Variants in ADAMDEC1 observed in about 807,000 individuals in gnomAD.
The protein encoded by ADAMDEC1 is ADAM DEC1.
A neutral mutation model predicts 60.4 loss-of-function variants in ADAMDEC1; 62 were observed. The observed-to-expected ratio is 1.03, with a 90% CI of 0.84 to 1.27. The LOEUF (loss-of-function observed/expected upper bound fraction) is 1.27, where lower values mean the gene tolerates loss of function less well. Ranked by LOEUF, ADAMDEC1 falls within the 50% of genes most tolerant of loss-of-function variation. The pLI is 0.00. For synonymous variants in ADAMDEC1, 210 were observed against 195.1 expected (o/e 1.08, Z -0.64); for missense variants, 595 against 565.0 (o/e 1.05, Z -0.54).
Position 24,398,854 on chromosome 8 carries a change from G to T in ADAMDEC1, c.763-20G>T. 3 of 1,608,854 alleles carry T rather than the reference G, an allele frequency of 1.9e-6. No homozygotes were observed. The highest frequency in any genetic ancestry group is 1.1e-5 in the South Asian group (1 of 89,672). Reference sequence around the variant, plus strand: ...AAGGAATCCTGAACATTTTTATGAAGATAAATGCTCTTTCCACAGATATAT... The same window carrying T: ...AAGGAATCCTGAACATTTTTATGAATATAAATGCTCTTTCCACAGATATAT... On this transcript the variant is annotated intron_variant, in intron 8 of 13. Coordinates refer to ENST00000256412, the MANE Select transcript of ADAMDEC1 (RefSeq NM_014479.3).
intron 2 of ADAMDEC1, among the ~76,000 whole-genome samples, chr8:24,392,886 G>GTTTTTT (rs34415946): frequency 2.0e-5 from 1 of 50,364 alleles, no homozygotes; most frequent in Non-Finnish European, 4.1e-5. Context: ...GGGTTGAGAG[G>GTTTTTT]TTTTTTTTTT....
intron 13 of ADAMDEC1, 42 bp from the exon 14 acceptor site, chr8:24,405,250 G>C: frequency 6.9e-6 from 11 of 1,595,460 alleles, no homozygotes; most frequent in Non-Finnish European, 9.4e-6. Flanking sequence ...TTTGTAACTT[G>C]TAATAACCCT....
intron 11 of ADAMDEC1, 150 bp from the exon 12 acceptor site, chr8:24,401,765 C>T (rs933157833): frequency 3.1e-6 from 2 of 651,206 alleles, no homozygotes; most frequent in South Asian, 2.2e-5. Context: ...ACAGGGCAGT[C>T]CTAAATGGTT....
At chr8:24,395,823 AG>A in intron 5 of ADAMDEC1, 27 bp downstream of exon 5, 1 of 1,559,768 alleles carries the variant, frequency 6.4e-7, no homozygotes, top group Non-Finnish European at 8.8e-7. Context: ...AAATTACTCA[AG>A]ATCAAGAAGC....
Position 24,399,607 on chromosome 8 carries a change from G to A in ADAMDEC1, c.1011+133G>A, listed in dbSNP as rs117602985. The A allele has an allele frequency of 1.0e-4, 82 of 804,078 alleles. No individual in the cohort carries two copies. The East Asian group carries it at 2.0e-3, about 19-fold the overall frequency. The allele number at this position is 804,078 out of a possible 1,614,324, so 49.8% of individuals were successfully genotyped here. On this transcript the variant is annotated intron_variant, in intron 10 of 13. Transcript: ENST00000256412. ...CAAGGAAGAAATGAAACTACTGGTA[G>A]GTCATTGCACTGAAGATCCCTTGGG...
At chr8:24,398,245 A>G (rs919671174) in intron 7 of ADAMDEC1, among the ~76,000 whole-genome samples, 2 of 152,002 alleles carry the variant, frequency 1.3e-5, no homozygotes, top group African/African-American at 4.8e-5. Flanking sequence ...GATGTATTCA[A>G]CTTTAAAATG....
intron 12 of ADAMDEC1, 72 bp from the exon 13 acceptor site, chr8:24,403,931 A>G (rs1231473319): frequency 4.0e-6 from 5 of 1,254,916 alleles, no homozygotes; most frequent in Non-Finnish European, 5.7e-6. Context: ...ATCTTGTGCC[A>G]GAATTCTATC....
intron 13 of ADAMDEC1, among the ~76,000 whole-genome samples, chr8:24,404,967 C>T (rs1817853856): frequency 6.6e-6 from 1 of 152,086 alleles, no homozygotes; most frequent in Non-Finnish European, 1.5e-5. Context: ...GAAAAAAAAT[C>T]ATCCAGCTAT....
chr8:24,395,765 G>A lies in ADAMDEC1; in HGVS notation c.409G>A (p.Val137Ile), dbSNP rs1585809294. ...KGNILNEKNS[V>I]ASISTCDGLR... ...AAACATCCTAAATGAAAAGAATTCT[G>A]TTGCCAGCATCAGTACTTGTGACGG... Residue 137 changes from valine (V) to isoleucine (I), a missense_variant, in exon 5 of 14, where the codon GTT (valine) becomes ATT (isoleucine). Physicochemically the swap from Val to Ile is conservative, Grantham distance 29. Coordinates refer to ENST00000256412, the MANE Select transcript of ADAMDEC1 (RefSeq NM_014479.3). The A allele has an allele frequency of 6.2e-7, 1 of 1,613,494 alleles. No individual in the cohort carries two copies. The highest frequency in any genetic ancestry group is 1.3e-5 in the African/African-American group (1 of 74,960).
At chr8:24,395,671 C>T (rs1375875929) in intron 4 of ADAMDEC1, 49 bp from the exon 5 acceptor site, 4 of 680,880 alleles carry the variant, frequency 5.9e-6, no homozygotes, top group Non-Finnish European at 8.9e-6. Context: ...CACTCACATA[C>T]ACACACACAC....
chr8:24,390,062 C>A, intron 1 of ADAMDEC1: 1 of 415,982 alleles, frequency 2.4e-6, no homozygotes, highest in Non-Finnish European at 4.8e-6. Flanking sequence ...TATCATTTCC[C>A]AATAGAATGT....
Position 24,399,028 on chromosome 8 carries a change from C to T in ADAMDEC1, c.917C>T (p.Ala306Val). 1 of 1,612,798 alleles carries T rather than the reference C, an allele frequency of 6.2e-7. No individual in the cohort carries two copies. The highest frequency in any genetic ancestry group is 1.1e-5 in the South Asian group (1 of 90,822). ...CTGGGGAAAAAGATCCACGACCATG[C>T]TCAGCTTCTCAGGTGAGCACATGCT... is the stretch of plus-strand genomic sequence containing the variant. ...SNLGKKIHDH[A>V]QLLSGISFNN... is the part of the protein sequence containing the mutation. The change falls in exon 9 of 14, where the codon GCT becomes GTT. Residue 306 changes from alanine to valine, a missense_variant. Transcript: ENST00000256412.
At chr8:24,393,195 C>G in intron 2 of ADAMDEC1, 67 bp from the exon 3 acceptor site, 1 of 975,072 alleles carries the variant, frequency 1.0e-6, no homozygotes, top group Non-Finnish European at 1.5e-6. Context: ...CTAATACATA[C>G]TACATATATA....
At chr8:24,388,292 T>TA (rs139312868) in intron 1 of ADAMDEC1, among the ~76,000 whole-genome samples, 1 of 152,090 alleles carries the variant, frequency 6.6e-6, no homozygotes, top group Admixed American at 6.6e-5. Context: ...CCCTTTTGCA[T>TA]AAAAAAATCT....
chr8:24,386,926 C>G (rs1193789634), intron 1 of ADAMDEC1, among the ~76,000 whole-genome samples: 2 of 152,096 alleles, frequency 1.3e-5, no homozygotes, highest in Non-Finnish European at 2.9e-5. Context: ...TTTTGCCAGG[C>G]CAATTGATTC....
rs965195147 is a variant in ADAMDEC1, at chr8:24,398,887, T to C, written c.776T>C (p.Ile259Thr). The change falls in exon 9 of 14, where the codon ATA (isoleucine) becomes ACA (threonine). Residue 259 changes from isoleucine to threonine, a missense_variant. Transcript: ENST00000256412. ...MNLLNVIYNT[I>T]DVQVALVGME... Reference sequence around the variant, plus strand: ...CTCTTTCCACAGATATATAACACCATAGATGTTCAAGTGGCCTTGGTAGGT... The same window carrying C: ...CTCTTTCCACAGATATATAACACCACAGATGTTCAAGTGGCCTTGGTAGGT... 1.3e-5 allele frequency: 21 copies of C among 1,613,754 alleles called. No homozygotes were observed. Among genetic ancestry groups the C allele is most frequent in the African/African-American group, 5.3e-5 (4 of 75,030 alleles).
rs769950360 is a variant in ADAMDEC1, at chr8:24,404,088, C to T, written c.1406C>T (p.Thr469Ile). 118 of 1,611,882 alleles carry T rather than the reference C, an allele frequency of 7.3e-5. 1 individual carries two copies. The highest frequency in any genetic ancestry group is 4.5e-5 in the East Asian group (2 of 44,770). Residue 469 changes from threonine to isoleucine, a missense_variant and splice_region_variant, in exon 13 of 14, where the codon ACA becomes ATA. Physicochemically the swap from Thr to Ile is moderately conservative, Grantham distance 89. Transcript: ENST00000256412. ...DCGGDAPNHT[T>I]E Reference sequence around the variant, plus strand: ...GGAGGAGATGCTCCAAACCATACCACGTAAGACCTTTTGTTTTCTTTGTTC... The same window carrying T: ...GGAGGAGATGCTCCAAACCATACCATGTAAGACCTTTTGTTTTCTTTGTTC...
chr8:24,384,742 C>T (rs541404652), intron 1 of ADAMDEC1, 150 bp downstream of exon 1: 222 of 637,900 alleles, frequency 3.5e-4, no homozygotes, highest in Non-Finnish European at 4.3e-4. Flanking sequence ...TCTGCAAAAG[C>T]GAACTATATA....
chr8:24,396,584 A>AT (rs1817619806), intron 5 of ADAMDEC1, among the ~76,000 whole-genome samples: 1 of 151,940 alleles, frequency 6.6e-6, no homozygotes, highest in Admixed American at 6.6e-5. Context: ...TGTTATTAAC[A>AT]TTTTGTCATG....
Sources: gnomAD v4.1 joint callset for allele counts (sites outside exome capture counted in the v4.1 genomes callset) on GRCh38, gnomAD v4.1.1 for gene constraint, MANE v1.5 for transcripts, NCBI Gene and HGNC (gene_info 2026-07-23, HGNC 2026-07-21) for gene names.